The following EEFSEC variants were observed in gnomAD, a reference collection of about 807,000 sequenced individuals.
EEFSEC encodes the protein eukaryotic elongation factor, selenocysteine-tRNA specific.
Under a neutral mutation model 42.1 loss-of-function variants are expected in EEFSEC, and 43 were observed. The ratio of observed to expected loss-of-function variants is 1.02; its 90% CI spans 0.80 to 1.32. EEFSEC has a LOEUF of 1.32. EEFSEC is among the 40% of genes most tolerant of loss of function. The probability of loss-of-function intolerance (pLI) is 0.00; values close to 1 mark genes in which losing one functional copy is unlikely to be tolerated. For missense variants in EEFSEC, 745 were observed against 803.6 expected (o/e 0.93, Z 0.88); for synonymous variants, 354 against 339.1 (o/e 1.04, Z -0.48).
intron 4 of EEFSEC, among the ~76,000 whole-genome samples, chr3:128,320,169 C>T (rs1414992336): frequency 6.6e-6 from 1 of 152,234 alleles, no homozygotes; most frequent in Non-Finnish European, 1.5e-5. Flanking sequence ...AAACTGCTTA[C>T]TGTCACCTTC....
At chr3:128,234,796 G>A (rs1464902066) in intron 1 of EEFSEC, among the ~76,000 whole-genome samples, 1 of 152,176 alleles carries the variant, frequency 6.6e-6, no homozygotes, top group Non-Finnish European at 1.5e-5. Flanking sequence ...TGGTGTTAAG[G>A]GACGTCGATC....
At chr3:128,254,633 G>A (rs551873061) in intron 2 of EEFSEC, among the ~76,000 whole-genome samples, 1 of 152,326 alleles carries the variant, frequency 6.6e-6, no homozygotes, top group South Asian at 2.1e-4. Context: ...GAGGGCAACA[G>A]TGTGAGCTTG....
intron 1 of EEFSEC, among the ~76,000 whole-genome samples, chr3:128,218,290 A>G (rs1428313688): frequency 1.9e-4 from 29 of 152,066 alleles, no homozygotes. Context: ...TGTAAGAACT[A>G]CTCCGGAAAC....
chr3:128,229,888 C>T (rs1328325397), intron 1 of EEFSEC, among the ~76,000 whole-genome samples: 1 of 152,186 alleles, frequency 6.6e-6, no homozygotes, highest in African/African-American at 2.4e-5. Flanking sequence ...CCTTTGGTCT[C>T]ACACCTTGAC....
chr3:128,209,302 T>A (rs1448070582), intron 1 of EEFSEC, among the ~76,000 whole-genome samples: 1 of 152,204 alleles, frequency 6.6e-6, no homozygotes, highest in Non-Finnish European at 1.5e-5. Context: ...GAAACCTGGT[T>A]TAGGCAAGGT....
chr3:128,419,946 C>T, the EEFSEC span, among the ~76,000 whole-genome samples: 3 of 152,094 alleles, frequency 2.0e-5, no homozygotes, highest in African/African-American at 7.2e-5. Flanking sequence ...CCTGTGATGG[C>T]CGCAGCGGGA....
At chr3:128,338,350 C>CAG in intron 4 of EEFSEC, among the ~76,000 whole-genome samples, 1 of 152,040 alleles carries the variant, frequency 6.6e-6, no homozygotes, top group South Asian at 2.1e-4. Context: ...TATGAGTTAT[C>CAG]GATAATGTAG....
intron 4 of EEFSEC, among the ~76,000 whole-genome samples, chr3:128,280,783 C>T (rs2066517615): frequency 6.6e-6 from 1 of 152,236 alleles, no homozygotes; most frequent in Non-Finnish European, 1.5e-5. Flanking sequence ...CCTTCTCCTT[C>T]ACTAGCCGCC....
downstream of EEFSEC, among the ~76,000 whole-genome samples, chr3:128,412,121 G>T (rs2068178138): frequency 6.6e-6 from 1 of 152,236 alleles, no homozygotes; most frequent in African/African-American, 2.4e-5. Flanking sequence ...GTGTCCCCAT[G>T]TGTAAAATGT....
At chr3:128,200,949 G>T (rs2065637245) in intron 1 of EEFSEC, among the ~76,000 whole-genome samples, 1 of 152,164 alleles carries the variant, frequency 6.6e-6, no homozygotes, top group Admixed American at 6.5e-5. Flanking sequence ...GTTTGCTGTT[G>T]ATTATGTAGT....
intron 6 of EEFSEC, among the ~76,000 whole-genome samples, chr3:128,380,453 C>G (rs1206796013): frequency 2.0e-5 from 3 of 152,192 alleles, no homozygotes; most frequent in Non-Finnish European, 2.9e-5. Flanking sequence ...ACACCCTTCC[C>G]CTATCTTGTT....
At chr3:128,425,996 T>C in the EEFSEC span, among the ~76,000 whole-genome samples, 3 of 152,238 alleles carry the variant, frequency 2.0e-5, no homozygotes, top group Non-Finnish European at 4.4e-5. Flanking sequence ...AGCGACTTTT[T>C]GGATGAATGC....
chr3:128,371,190 C>A (rs2067649657), intron 6 of EEFSEC, among the ~76,000 whole-genome samples: 1 of 152,068 alleles, frequency 6.6e-6, no homozygotes, highest in Non-Finnish European at 1.5e-5. Flanking sequence ...CCCTGGGGAG[C>A]CTCCTTGCTG....
chr3:128,203,357 A>C (rs984384394), intron 1 of EEFSEC, among the ~76,000 whole-genome samples: 3 of 152,204 alleles, frequency 2.0e-5, no homozygotes, highest in African/African-American at 7.2e-5. Context: ...ATGATAGGCT[A>C]TTTCCTTAAA....
intron 1 of EEFSEC, among the ~76,000 whole-genome samples, chr3:128,212,240 G>A (rs549146944): frequency 9.8e-5 from 15 of 152,292 alleles, no homozygotes; most frequent in Admixed American, 9.8e-4. Context: ...TTCTTTGGAG[G>A]CTGTGGGAGC....
intron 1 of EEFSEC, among the ~76,000 whole-genome samples, chr3:128,170,287 G>A (rs1296271124): frequency 6.6e-6 from 1 of 152,226 alleles, no homozygotes; most frequent in African/African-American, 2.4e-5. Context: ...TTGAGGCTGG[G>A]CACGGTGGCT....
intron 5 of EEFSEC, among the ~76,000 whole-genome samples, chr3:128,347,494 C>T (rs570069240): frequency 2.9e-4 from 44 of 152,176 alleles, no homozygotes; most frequent in Admixed American, 5.9e-4. Flanking sequence ...GGGAAAGAAA[C>T]TATATGAATG....
chr3:128,187,274 GTTC>G (rs1359826560), intron 1 of EEFSEC, among the ~76,000 whole-genome samples: 1 of 152,196 alleles, frequency 6.6e-6, no homozygotes, highest in Non-Finnish European at 1.5e-5. Context: ...TACTAAACAA[GTTC>G]TTCTGTGGGA....
rs762142744 is a variant in EEFSEC, at chr3:128,408,199, CAGCCTGACTTTCA to C, written c.1735_1747del (p.Leu579ValfsTer105). On this transcript the variant is annotated frameshift_variant, in exon 7 of 7. Transcript: ENST00000254730. LOFTEE classifies it high-confidence loss of function. Reference sequence around the variant, plus strand: ...GCGAGCCCTCACAGCATGTGGTGCTCAGCCTGACTTTCAAGCGTTATGTCTTCGACACCCACAA... The same window carrying C: ...GCGAGCCCTCACAGCATGTGGTGCTCAGCGTTATGTCTTCGACACCCACAA... The C allele has an allele frequency of 2.5e-6, 4 of 1,612,000 alleles. No individual in the cohort carries two copies. The highest frequency in any genetic ancestry group is 1.7e-5 in the Admixed American group (1 of 59,874).
Sources: allele counts gnomAD v4.1 joint callset (sites outside exome capture counted in the v4.1 genomes callset), GRCh38; gene constraint gnomAD v4.1.1; transcripts MANE v1.5; gene names NCBI Gene and HGNC (gene_info 2026-07-23, HGNC 2026-07-21).